The following LIAT1 variants were observed in gnomAD, a reference collection of about 807,000 sequenced individuals.
The protein encoded by LIAT1 is protein LIAT1.
chr17:413,233 G>A, the LIAT1 span: 140 of 1,614,196 alleles, frequency 8.7e-5, no homozygotes, highest in Non-Finnish European at 5.3e-5. Flanking sequence ...AGCGTGGCCC[G>A]AAACCAGAGC....
chr17:411,404 C>G, the LIAT1 span, among the ~76,000 whole-genome samples: 2 of 152,226 alleles, frequency 1.3e-5, no homozygotes, highest in African/African-American at 4.8e-5. Context: ...CGCAGTGGCT[C>G]ACACCTGTAA....
At chr17:413,355 G>T in the LIAT1 span, 1 of 1,614,246 alleles carries the variant, frequency 6.2e-7, no homozygotes, top group Admixed American at 1.7e-5. Context: ...GAAAGTCTGC[G>T]TTGGGATGGA....
At chr17:413,245 C>A in the LIAT1 span, 1 of 1,614,208 alleles carries the variant, frequency 6.2e-7, no homozygotes, top group South Asian at 1.1e-5. Context: ...AACCAGAGCA[C>A]AGACAGAGCA....
chr17:412,324 G>C, the LIAT1 span, among the ~76,000 whole-genome samples: 1 of 152,002 alleles, frequency 6.6e-6, no homozygotes, highest in Non-Finnish European at 1.5e-5. Context: ...AGCCCTGTGT[G>C]TATCTGCAAA....
the LIAT1 span, among the ~76,000 whole-genome samples, chr17:412,047 C>G: frequency 1.3e-5 from 2 of 152,198 alleles, no homozygotes; most frequent in Non-Finnish European, 2.9e-5. Context: ...AATACAAAGG[C>G]AAGAAAATTC....
the LIAT1 span, chr17:410,521 GCGGCGC>G: frequency 6.5e-7 from 1 of 1,545,436 alleles, no homozygotes; most frequent in South Asian, 1.2e-5. Context: ...GAGCGGGAGG[GCGGCGC>G]CGCGGGCCCG....
chr17:412,119 A>T, the LIAT1 span, among the ~76,000 whole-genome samples: 2 of 152,238 alleles, frequency 1.3e-5, no homozygotes, highest in Admixed American at 1.3e-4. Flanking sequence ...TAATCCCAGC[A>T]CTTTGGGAAT....
the LIAT1 span, chr17:410,628 G>A: frequency 3.2e-6 from 5 of 1,541,900 alleles, no homozygotes; most frequent in Non-Finnish European, 3.5e-6. Flanking sequence ...GAAGACCAAG[G>A]GGTCTGGCAA....
the LIAT1 span, chr17:410,545 C>T: frequency 4.5e-6 from 7 of 1,546,426 alleles, no homozygotes; most frequent in East Asian, 1.7e-4. Context: ...CCGCGGGGGT[C>T]TAGACTGCCC....
At chr17:412,921 C>T in the LIAT1 span, among the ~76,000 whole-genome samples, 5 of 152,358 alleles carry the variant, frequency 3.3e-5, no homozygotes, top group East Asian at 3.9e-4. Flanking sequence ...TTTACCCAGA[C>T]GGCCTGGCTC....
the LIAT1 span, among the ~76,000 whole-genome samples, chr17:412,622 G>C: frequency 6.6e-6 from 1 of 152,114 alleles, no homozygotes; most frequent in Non-Finnish European, 1.5e-5. Flanking sequence ...TTTCTGGCTT[G>C]GCATAATACT....
At chr17:413,793 C>T in the LIAT1 span, 3 of 1,579,292 alleles carry the variant, frequency 1.9e-6, no homozygotes, top group Non-Finnish European at 2.6e-6. Context: ...GGTTTCCACA[C>T]TGACCCCGAG....
At chr17:414,397 T>A in the LIAT1 span, 1 of 402,630 alleles carries the variant, frequency 2.5e-6, no homozygotes, top group Non-Finnish European at 4.5e-6. The surrounding 1 kb of genome is among the most constrained non-coding windows in gnomAD (Gnocchi z 4.1). Context: ...GCTAGATGTC[T>A]ATAATCTGCC....
chr17:413,067 T>A, the LIAT1 span: 2 of 1,526,932 alleles, frequency 1.3e-6, no homozygotes, highest in Non-Finnish European at 8.8e-7. Flanking sequence ...TCCTCTTCCA[T>A]CTTGGGTGAT....
chr17:410,400 A>ATCGGGCC, the LIAT1 span: 1,264 of 1,529,028 alleles, frequency 8.3e-4, no homozygotes, highest in Non-Finnish European at 1.0e-3. Flanking sequence ...ATTAGTCGGC[A>ATCGGGCC]TCGGGCCTCG....
At chr17:413,304 C>G in the LIAT1 span, 1 of 1,614,232 alleles carries the variant, frequency 6.2e-7, no homozygotes, top group Non-Finnish European at 8.5e-7. Context: ...GTCAGCCTCC[C>G]CGACTTTGCC....
chr17:412,922 G>A, the LIAT1 span, among the ~76,000 whole-genome samples: 1 of 152,218 alleles, frequency 6.6e-6, no homozygotes, highest in African/African-American at 2.4e-5. Flanking sequence ...TTACCCAGAC[G>A]GCCTGGCTCA....
At chr17:411,782 C>T in the LIAT1 span, among the ~76,000 whole-genome samples, 1 of 152,196 alleles carries the variant, frequency 6.6e-6, no homozygotes, top group Non-Finnish European at 1.5e-5. Context: ...TGAGCACCCA[C>T]TTTGAGGAGA....
chr17:414,107 C>T, the LIAT1 span: 1 of 1,611,528 alleles, frequency 6.2e-7, no homozygotes. This position sits in a 1 kb window ranked among gnomAD's most constrained non-coding sequence, Gnocchi z 4.1. Flanking sequence ...TCCTACTCTG[C>T]TGGAGTGAAA....
Sources: gnomAD v4.1 joint callset for allele counts (sites outside exome capture counted in the v4.1 genomes callset) on GRCh38, gnomAD v4.1.1 for gene constraint, Gnocchi (gnomAD v3.1) non-coding constraint, MANE v1.5 for transcripts, NCBI Gene and HGNC (gene_info 2026-07-23, HGNC 2026-07-21) for gene names.